Variants in APP observed in about 807,000 individuals in gnomAD.
The protein encoded by APP is amyloid beta precursor protein.
Under a neutral mutation model 101.4 loss-of-function variants are expected in APP, and 31 were observed. That is an observed-to-expected ratio of 0.31 (90% CI 0.23 to 0.41). APP has a LOEUF of 0.41. APP is among the 10% of genes least tolerant of loss of function. The pLI, the probability that APP is intolerant of heterozygous loss-of-function variation, is 1.00. For synonymous variants in APP, 366 were observed against 364.4 expected (o/e 1.00, Z -0.05); for missense variants, 839 against 1,003.7 (o/e 0.84, Z 2.22).
At chr21:26,080,572 G>C (rs995231456) in intron 3 of APP, among the ~76,000 whole-genome samples, 12 of 151,790 alleles carry the variant, frequency 7.9e-5, no homozygotes, top group African/African-American at 2.9e-4. Context: ...TTCAAGACCA[G>C]ACTGGCCAAG....
intron 2 of APP, among the ~76,000 whole-genome samples, chr21:26,106,048 T>G (rs1362032459): frequency 6.6e-6 from 1 of 152,144 alleles, no homozygotes; most frequent in African/African-American, 2.4e-5. Flanking sequence ...CTCAAAGCAG[T>G]GCCAACCAGA....
intron 1 of APP, among the ~76,000 whole-genome samples, chr21:26,133,331 C>A (rs1463794706): frequency 6.6e-6 from 1 of 152,212 alleles, no homozygotes; most frequent in Non-Finnish European, 1.5e-5. Flanking sequence ...TTTATTAACA[C>A]ACTTGCCAAT....
At chr21:26,009,289 T>C (rs1254868120) in intron 6 of APP, among the ~76,000 whole-genome samples, 1 of 152,236 alleles carries the variant, frequency 6.6e-6, no homozygotes, top group Non-Finnish European at 1.5e-5. Context: ...AACAACTTAA[T>C]TTGAACAGAT....
At chr21:25,896,130 A>T (rs2038027940) in intron 16 of APP, among the ~76,000 whole-genome samples, 1 of 152,146 alleles carries the variant, frequency 6.6e-6, no homozygotes, top group African/African-American at 2.4e-5. Flanking sequence ...TAACCTCTTC[A>T]GCAACAGCCT....
chr21:26,120,499 T>C (rs2062541912), intron 1 of APP, among the ~76,000 whole-genome samples: 1 of 152,212 alleles, frequency 6.6e-6, no homozygotes, highest in South Asian at 2.1e-4. Context: ...GGATCAGTTA[T>C]GGCTTATGAT....
intron 14 of APP, among the ~76,000 whole-genome samples, chr21:25,911,211 C>A (rs186669951): frequency 6.6e-6 from 1 of 152,128 alleles, no homozygotes; most frequent in Non-Finnish European, 1.5e-5. Flanking sequence ...CTTTATGTAT[C>A]CACTTTTGTT....
chr21:26,095,258 C>A (rs777295994), intron 2 of APP, among the ~76,000 whole-genome samples: 3 of 152,224 alleles, frequency 2.0e-5, no homozygotes, highest in Non-Finnish European at 2.9e-5. Flanking sequence ...GGATTACAGG[C>A]ATGAGCCACC....
At chr21:25,889,984 T>C (rs2037583715) in intron 17 of APP, among the ~76,000 whole-genome samples, 1 of 152,216 alleles carries the variant, frequency 6.6e-6, no homozygotes, top group African/African-American at 2.4e-5. Context: ...GGAATTAAAT[T>C]TTTTTAAAAA....
rs981233173 is a variant in APP, at chr21:25,937,774, TTTTG to T, written c.1687+16812_1687+16815del. ...ATCTTATGCTTATACAGTTTTTTGT[TTTTG>T]TTTGTTTTGAGATAAGGTCGTCCCT... On this transcript the variant is annotated intron_variant, in intron 13 of 17. Coordinates refer to ENST00000346798, the MANE Select transcript of APP (RefSeq NM_000484.4). 60 of 152,136 alleles carry T rather than the reference TTTTG, an allele frequency of 3.9e-4. 1 individual carries two copies. The highest frequency in any genetic ancestry group is 3.9e-3 in the Admixed American group (60 of 15,276). 9.4% of individuals were successfully genotyped at this position (152,136 alleles called of 1,614,324 possible).
At chr21:26,077,560 A>G (rs2061520738) in intron 3 of APP, among the ~76,000 whole-genome samples, 1 of 152,230 alleles carries the variant, frequency 6.6e-6, no homozygotes, top group Non-Finnish European at 1.5e-5. Flanking sequence ...ACGCTCCAGT[A>G]GAACCCTAAG....
intron 13 of APP, among the ~76,000 whole-genome samples, chr21:25,946,431 C>A (rs897207576): frequency 6.6e-6 from 1 of 152,092 alleles, no homozygotes; most frequent in Non-Finnish European, 1.5e-5. Flanking sequence ...TTTGGAAGGC[C>A]GAGGTGGGCA....
chr21:25,963,374 A>G (rs1457619626), intron 11 of APP, among the ~76,000 whole-genome samples: 1 of 152,152 alleles, frequency 6.6e-6, no homozygotes, highest in African/African-American at 2.4e-5. Flanking sequence ...CTGGCATCTT[A>G]TCATAATAGA....
chr21:26,140,151 A>C, intron 1 of APP: 1 of 1,529,156 alleles, frequency 6.5e-7, no homozygotes, highest in Non-Finnish European at 8.8e-7. Flanking sequence ...GTACTCACTT[A>C]CATAGTTGAT....
chr21:26,028,140 G>A (rs2044662954), intron 5 of APP, among the ~76,000 whole-genome samples: 1 of 148,652 alleles, frequency 6.7e-6, no homozygotes, highest in Non-Finnish European at 1.5e-5. Flanking sequence ...AAGCTGCATT[G>A]CACTCCAGCC....
At chr21:25,881,820 A>T in intron 17 of APP, 49 bp from the exon 18 acceptor site, 1 of 1,557,770 alleles carries the variant, frequency 6.4e-7, no homozygotes, top group Non-Finnish European at 8.8e-7. Context: ...CAATCTTTTA[A>T]GGGTGAACAT....
Position 25,935,852 on chromosome 21 carries a change from A to C in APP, c.1687+18738T>G, listed in dbSNP as rs868500216. Among the ~76,000 whole-genome samples, 600 of 151,040 alleles carry C rather than the reference A, an allele frequency of 4.0e-3. 6 individuals carry two copies. Among genetic ancestry groups the C allele is most frequent in the African/African-American group, 0.014 (566 of 41,060 alleles). ...GAGACTCTGTCTCAAAAAAAAAAAA[A>C]AAAAAAAAACCTGTCAAATCCCTCC... On this transcript the variant is annotated intron_variant, in intron 13 of 17. Coordinates refer to ENST00000346798, the MANE Select transcript of APP (RefSeq NM_000484.4).
rs1386984902 is a variant in APP at position 26,000,095 on chromosome 21, G to A, written c.953C>T (p.Pro318Leu). ...YFDVTEGKCA[P>L]FFYGGCGGNR... ...GCCGCCACATCCGCCGTAAAAGAAT[G>A]GGGCACACTTCCCTTCAGTCACATC... Residue 318 changes from proline to leucine, a missense_variant, in exon 7 of 18, where the codon CCA (proline) becomes CTA (leucine). Physicochemically the swap from Pro to Leu is moderately conservative, Grantham distance 98. Coordinates refer to ENST00000346798, the MANE Select transcript of APP (RefSeq NM_000484.4). The A allele has an allele frequency of 2.5e-6, 4 of 1,614,168 alleles. No homozygotes were observed. Among genetic ancestry groups the A allele is most frequent in the Non-Finnish European group, 3.4e-6 (4 of 1,180,022 alleles).
chr21:25,952,228 T>TCACACACACA, intron 13 of APP, among the ~76,000 whole-genome samples: 1 of 98,600 alleles, frequency 1.0e-5, no homozygotes, highest in Non-Finnish European at 2.1e-5. Context: ...ACACACACAT[T>TCACACACACA]AAGAGCACAT....
rs1214535207 is a variant in APP, at chr21:26,152,230, AGCCGAGATCGC to A, written c.57+18323_57+18333del. ...AACCCGGGAGGCGGAGCTTGCAGTGAGCCGAGATCGCGCCACTGCACTCCAGTCTGGGCGAC... is the reference window on the plus strand; with the variant it reads ...AACCCGGGAGGCGGAGCTTGCAGTGAGCCACTGCACTCCAGTCTGGGCGAC... On this transcript the variant is annotated intron_variant, in intron 1 of 17. Coordinates refer to ENST00000346798, the MANE Select transcript of APP (RefSeq NM_000484.4). 1.2e-4 allele frequency among the ~76,000 whole-genome samples: 17 copies of A among 139,816 alleles called. No individual in the cohort carries two copies. In the South Asian group the frequency reaches 3.6e-3, roughly 30 times the overall value. 91.7% of individuals were successfully genotyped at this position (139,816 alleles called of 152,430 possible).
Sources: allele counts gnomAD v4.1 joint callset (sites outside exome capture counted in the v4.1 genomes callset), GRCh38; gene constraint gnomAD v4.1.1; transcripts MANE v1.5; gene names NCBI Gene and HGNC (gene_info 2026-07-23, HGNC 2026-07-21).